The following ERRFI1 variants were observed in gnomAD, a reference collection of about 807,000 sequenced individuals.
ERRFI1 encodes the protein mitogen-inducible gene 6 protein.
In ERRFI1, 12 loss-of-function variants were observed where a neutral mutation model predicts 14.6. The ratio of observed to expected loss-of-function variants is 0.82; its 90% CI spans 0.53 to 1.33. The LOEUF (loss-of-function observed/expected upper bound fraction) is 1.33, where lower values mean the gene tolerates loss of function less well. Ranked by LOEUF, ERRFI1 falls within the 40% of genes most tolerant of loss-of-function variation. The pLI, the probability that ERRFI1 is intolerant of heterozygous loss-of-function variation, is 0.00. For missense variants in ERRFI1, 482 were observed against 572.1 expected, an observed-to-expected ratio of 0.84 and a Z score of 1.61; for synonymous variants, 202 against 209.9, an observed-to-expected ratio of 0.96 and a Z score of 0.32.
intron 1 of ERRFI1, among the ~76,000 whole-genome samples, chr1:8,021,566 G>T (rs559365211): frequency 6.6e-6 from 1 of 152,124 alleles, no homozygotes; most frequent in South Asian, 2.1e-4. Flanking sequence ...ATGATGGGAC[G>T]CAAGTCTTTA....
At position 8,014,225 on chromosome 1, in the gene ERRFI1, G is replaced by A. The variant is rs2124062040; in HGVS notation, c.374C>T (p.Ala125Val). The stretch of plus-strand genomic sequence containing the variant: ...TATGGGTGTCAGTGGAGGGGTGGAA[G>A]CACAAACCCCATTCACTGTGAGTTT... ...FKKLTVNGVC[A>V]STPPLTPIKN... is the part of the protein sequence containing the mutation. The change falls in exon 4 of 4, where the codon GCT becomes GTT. Residue 125 changes from alanine (A) to valine (V), a missense_variant. Coordinates refer to ENST00000377482, the MANE Select transcript of ERRFI1 (RefSeq NM_018948.4). The A allele has an allele frequency of 6.2e-7, 1 of 1,614,150 alleles. No homozygotes were observed. The highest frequency in any genetic ancestry group is 2.2e-5 in the East Asian group (1 of 44,874).
rs1641158450 is a variant in ERRFI1 at position 8,015,390 on chromosome 1, A to G, written c.126-6T>C. 6.2e-7 allele frequency: 1 copy of G among 1,614,040 alleles called. No homozygotes were observed. Reference sequence around the variant, plus strand: ...GGTCAATATTTAAAAAGTTGCTGAAAGGAGAGGAAGCTACTTTGGTCATAA... The same window carrying G: ...GGTCAATATTTAAAAAGTTGCTGAAGGGAGAGGAAGCTACTTTGGTCATAA... On this transcript the variant is annotated splice_region_variant and splice_polypyrimidine_tract_variant and intron_variant, in intron 2 of 3. Coordinates refer to ENST00000377482, the MANE Select transcript of ERRFI1 (RefSeq NM_018948.4).
At position 8,015,553 on chromosome 1, in the gene ERRFI1, C is replaced by CA. The variant is rs1408737803; in HGVS notation, c.66dup (p.Gly23TrpfsTer17). On this transcript the variant is annotated frameshift_variant, in exon 2 of 4. Coordinates refer to ENST00000377482, the MANE Select transcript of ERRFI1 (RefSeq NM_018948.4). LOFTEE classifies it high-confidence loss of function. ...TTCCTCATATTCCCCATGGCTCGGCCATTATGTAGAAATCCAGTTTTTAAT... is the reference window on the plus strand; with the variant it reads ...TTCCTCATATTCCCCATGGCTCGGCCAATTATGTAGAAATCCAGTTTTTAAT... 6.2e-7 allele frequency: 1 copy of CA among 1,614,108 alleles called. No individual in the cohort carries two copies. The highest frequency in any genetic ancestry group is 1.1e-5 in the South Asian group (1 of 91,074).
At chr1:8,014,566 C>G in intron 3 of ERRFI1, 170 bp from the exon 4 acceptor site, 1 of 610,872 alleles carries the variant, frequency 1.6e-6, no homozygotes, top group South Asian at 2.2e-5. Context: ...AATTAGAGAG[C>G]AGAAGATTCT....
Position 8,013,639 on chromosome 1 carries a change from C to A in ERRFI1, c.960G>T (p.Pro320=), listed in dbSNP as rs371415623. The part of the protein sequence containing the change: ...YSDEDRPPKV[P]PREPLSPSNS... The stretch of plus-strand genomic sequence containing the variant: ...TACTCGGTGACAAAGGTTCTCTTGG[C>A]GGTACTTTGGGAGGCCTGTCTTCAT... The change falls in exon 4 of 4, where the codon CCG becomes CCT. Residue 320 remains proline, a synonymous_variant. Transcript: ENST00000377482. This position sits in a 1 kb window ranked among gnomAD's most constrained non-coding sequence, Gnocchi z 4.3. 2 of 1,613,982 alleles carry A rather than the reference C, an allele frequency of 1.2e-6. No homozygotes were observed. Among genetic ancestry groups the A allele is most frequent in the African/African-American group, 2.7e-5 (2 of 74,966 alleles).
rs535537176 is a variant in ERRFI1 at position 8,014,109 on chromosome 1, G to C, written c.490C>G (p.Leu164Val). 8 of 1,614,164 alleles carry C rather than the reference G, an allele frequency of 5.0e-6. No homozygotes were observed. The highest frequency in any genetic ancestry group is 4.5e-5 in the East Asian group (2 of 44,878). ...PPLPISEALS[L>V]DDTDCEVEFL... ...TCCACCTCACAGTCTGTGTCATCCA[G>C]AGAGAGGGCTTCAGAGATTGGCAAC... Residue 164 changes from leucine (L) to valine (V), a missense_variant, in exon 4 of 4, where the codon CTG (leucine) becomes GTG (valine). Leu to Val is a conservative substitution (Grantham distance 32). Coordinates refer to ENST00000377482, the MANE Select transcript of ERRFI1 (RefSeq NM_018948.4).
rs1641097138 is a variant in ERRFI1 at position 8,012,365 on chromosome 1, C to A, written c.*845G>T. ...TAAAACTGACATCCTAACACTGGCACCTAGAATACTTTTCCATCTGAGTCT... is the reference window on the plus strand; with the variant it reads ...TAAAACTGACATCCTAACACTGGCAACTAGAATACTTTTCCATCTGAGTCT... On this transcript the variant is annotated 3_prime_UTR_variant, in exon 4 of 4. Coordinates refer to ENST00000377482, the MANE Select transcript of ERRFI1 (RefSeq NM_018948.4). 1 of 231,058 alleles carries A rather than the reference C, an allele frequency of 4.3e-6. No homozygotes were observed. The highest frequency in any genetic ancestry group is 8.6e-6 in the Non-Finnish European group (1 of 116,368). 14.3% of individuals were successfully genotyped at this position (231,058 alleles called of 1,614,324 possible). A position where few individuals can be genotyped will look rare whatever the true frequency, so the allele number is the denominator to read the frequency against.
At chr1:8,024,761 T>C (rs1641321127) in intron 1 of ERRFI1, among the ~76,000 whole-genome samples, 1 of 152,188 alleles carries the variant, frequency 6.6e-6, no homozygotes, top group South Asian at 2.1e-4. Flanking sequence ...TGATAACATA[T>C]TGGTAACCAA....
chr1:8,012,192 C>A lies in ERRFI1; in HGVS notation c.*1018G>T, dbSNP rs1438746179. ...GTGTTTTACTTAAAAAGCAAACAAT[C>A]CCCAGGAAATACTGAATAGGAACCA... On this transcript the variant is annotated 3_prime_UTR_variant, in exon 4 of 4. Coordinates refer to ENST00000377482, the MANE Select transcript of ERRFI1 (RefSeq NM_018948.4). 2.6e-5 allele frequency: 6 copies of A among 231,166 alleles called. No individual in the cohort carries two copies. The highest frequency in any genetic ancestry group is 4.4e-5 in the African/African-American group (2 of 45,114). 14.3% of individuals were successfully genotyped at this position (231,166 alleles called of 1,614,324 possible). A position where few individuals can be genotyped will look rare whatever the true frequency, so the allele number is the denominator to read the frequency against.
intron 1 of ERRFI1, among the ~76,000 whole-genome samples, chr1:8,025,823 G>A (rs1641338781): frequency 1.3e-5 from 2 of 152,144 alleles, no homozygotes; most frequent in Admixed American, 1.3e-4. Flanking sequence ...GGGCGCTCGG[G>A]TGCATGGCCC....
chr1:8,017,038 AG>A (rs1641185177), intron 1 of ERRFI1, among the ~76,000 whole-genome samples: 1 of 152,082 alleles, frequency 6.6e-6, no homozygotes, highest in South Asian at 2.1e-4. Flanking sequence ...GAACATTAGT[AG>A]GTGCTCAGTA....
chr1:8,025,552 A>G (rs1641333210), intron 1 of ERRFI1, among the ~76,000 whole-genome samples: 2 of 152,306 alleles, frequency 1.3e-5, no homozygotes, highest in African/African-American at 4.8e-5. Context: ...ACCGCCAGAG[A>G]ACCGGTACCA....
intron 1 of ERRFI1, among the ~76,000 whole-genome samples, chr1:8,024,616 G>A (rs1357545903): frequency 6.6e-6 from 1 of 152,048 alleles, no homozygotes; most frequent in Non-Finnish European, 1.5e-5. Flanking sequence ...ACTTATTATC[G>A]AGTGTCCCCT....
rs574457818 is a variant in ERRFI1, at chr1:8,012,436, C to T, written c.*774G>A. 4.3e-6 allele frequency: 1 copy of T among 230,582 alleles called. No homozygotes were observed. The highest frequency in any genetic ancestry group is 2.2e-5 in the African/African-American group (1 of 45,284). The allele number at this position is 230,582 out of a possible 1,614,324, so 14.3% of individuals were successfully genotyped here. A position where few individuals can be genotyped will look rare whatever the true frequency, so the allele number is the denominator to read the frequency against. ...ATACGGCCCGCACTACGATGAGCTA[C>T]TTCAGTGGGTGGGACCAAGCAGGAA... On this transcript the variant is annotated 3_prime_UTR_variant, in exon 4 of 4. Transcript: ENST00000377482.
rs201011035 is a variant in ERRFI1 at position 8,015,660 on chromosome 1, G to A, written c.-41C>T. On this transcript the variant is annotated 5_prime_UTR_variant, in exon 2 of 4. Coordinates refer to ENST00000377482, the MANE Select transcript of ERRFI1 (RefSeq NM_018948.4). ...GACATCTCCAAACCTGTGAGGCCCA[G>A]GCACTTTAAAATCAACCAGTAGCTT... 53 of 1,612,812 alleles carry A rather than the reference G, an allele frequency of 3.3e-5. No homozygotes were observed. The African/African-American group carries it at 5.9e-4, about 18-fold the overall frequency.
At position 8,023,525 on chromosome 1, in the gene ERRFI1, C is replaced by T. The variant is rs544206140; in HGVS notation, c.-74+2633G>A. On this transcript the variant is annotated intron_variant, in intron 1 of 3. Coordinates refer to ENST00000377482, the MANE Select transcript of ERRFI1 (RefSeq NM_018948.4). Reference sequence around the variant, plus strand: ...TACTCTTGGGCTCAAGCCATCTGCCCGCCTTGGCCTCCCAAAGTGCTGAGA... The same window carrying T: ...TACTCTTGGGCTCAAGCCATCTGCCTGCCTTGGCCTCCCAAAGTGCTGAGA... Among the ~76,000 whole-genome samples the T allele has an allele frequency of 4.5e-4, 69 of 152,262 alleles. No individual in the cohort carries two copies. The South Asian group carries it at 0.012, about 26-fold the overall frequency.
chr1:8,011,889 A>G lies in ERRFI1; in HGVS notation c.*1321T>C, dbSNP rs1322972633. ...TTCATTTAGTTCATACTAAAATATA[A>G]TAAGCTTTAAATAGCTCAAATAATA... On this transcript the variant is annotated 3_prime_UTR_variant, in exon 4 of 4. Coordinates refer to ENST00000377482, the MANE Select transcript of ERRFI1 (RefSeq NM_018948.4). 3 of 224,584 alleles carry G rather than the reference A, an allele frequency of 1.3e-5. No homozygotes were observed. Among genetic ancestry groups the G allele is most frequent in the Non-Finnish European group, 2.7e-5 (3 of 112,380 alleles). The allele number at this position is 224,584 out of a possible 1,614,324, so 13.9% of individuals were successfully genotyped here.
In ERRFI1 at chr1:8,016,059, A is replaced by T. The variant is rs578141155; in HGVS notation, c.-73-367T>A. On this transcript the variant is annotated intron_variant, in intron 1 of 3. Transcript: ENST00000377482. ...AACCAGCCTTCTAAGTTACGGCTGC[A>T]CTGGGCATGAAGCACCAGTGGATCC... Among the ~76,000 whole-genome samples the T allele has an allele frequency of 3.9e-5, 6 of 152,294 alleles. No individual in the cohort carries two copies. In the East Asian group the frequency reaches 9.7e-4, roughly 25 times the overall value.
chr1:8,015,756 C>G, intron 1 of ERRFI1, 64 bp from the exon 2 acceptor site: 3 of 1,065,110 alleles, frequency 2.8e-6, no homozygotes, highest in Non-Finnish European at 4.0e-6. Context: ...TTAGGACAGT[C>G]TAAATTACAG....
Sources: gnomAD v4.1 joint callset for allele counts (sites outside exome capture counted in the v4.1 genomes callset) on GRCh38, gnomAD v4.1.1 for gene constraint, Gnocchi (gnomAD v3.1) non-coding constraint, MANE v1.5 for transcripts, NCBI Gene and HGNC (gene_info 2026-07-23, HGNC 2026-07-21) for gene names.